GREB1L: variants seen among roughly 807,000 people sequenced by gnomAD.
GREB1L encodes the protein GREB1 like retinoic acid receptor coactivator, also known as GREB1-like protein.
In GREB1L, 17 loss-of-function variants were observed where a neutral mutation model predicts 200.8. The observed-to-expected ratio is 0.08, with a 90% confidence interval of 0.06 to 0.13. The LOEUF is 0.13. Ranked by LOEUF, GREB1L falls within the 10% of genes least tolerant of loss-of-function variation. The pLI, the probability that GREB1L is intolerant of heterozygous loss-of-function variation, is 1.00. For missense variants in GREB1L, 1,657 were observed against 2,367.7 expected, an observed-to-expected ratio of 0.70 and a Z score of 6.23; for synonymous variants, 789 against 893.0, an observed-to-expected ratio of 0.88 and a Z score of 2.08.
At chr18:21,394,567 G>A (rs2040963412) in intron 4 of GREB1L, among the ~76,000 whole-genome samples, 1 of 152,134 alleles carries the variant, frequency 6.6e-6, no homozygotes, top group South Asian at 2.1e-4. Context: ...GGTTATGTAA[G>A]ATTTTGTCAC....
chr18:21,508,096 CCTTT>C lies in GREB1L; in HGVS notation c.4369-18_4369-15del, dbSNP rs1445301714. 1.3e-6 allele frequency: 2 copies of C among 1,549,792 alleles called. No individual in the cohort carries two copies. Among genetic ancestry groups the C allele is most frequent in the Admixed American group, 2.0e-5 (1 of 50,972 alleles). The stretch of plus-strand genomic sequence containing the variant: ...ACTGTGGGCTTACTTACGTTCCCTC[CCTTT>C]CTTCTTTGCAAATGTAGATGTCTGA... On this transcript the variant is annotated intron_variant, in intron 25 of 32. Coordinates refer to ENST00000424526, the MANE Select transcript of GREB1L (RefSeq NM_001142966.3).
chr18:21,496,709 T>C lies in GREB1L; in HGVS notation c.3391+11T>C, dbSNP rs1258000996. On this transcript the variant is annotated intron_variant, in intron 21 of 32. Coordinates refer to ENST00000424526, the MANE Select transcript of GREB1L (RefSeq NM_001142966.3). ...TCACAGGGACCTCGGGTCAGTACTT[T>C]CTTTTCTCTTTCATGGAGTGAGAGA... 5.2e-6 allele frequency: 8 copies of C among 1,549,908 alleles called. No homozygotes were observed. Among genetic ancestry groups the C allele is most frequent in the Non-Finnish European group, 6.1e-6 (7 of 1,146,658 alleles).
intron 1 of GREB1L, among the ~76,000 whole-genome samples, chr18:21,286,346 T>C (rs1429717125): frequency 2.0e-5 from 3 of 152,166 alleles, no homozygotes; most frequent in Non-Finnish European, 2.9e-5. Flanking sequence ...AAAATTTAGC[T>C]ATTCTTCATT....
intron 15 of GREB1L, chr18:21,468,873 CAATTA>C: frequency 2.3e-6 from 1 of 433,006 alleles, no homozygotes; most frequent in South Asian, 1.6e-5. Flanking sequence ...AGTTTTCTCA[CAATTA>C]AATTGAGGTT....
chr18:21,393,808 C>G (rs1040979644), intron 4 of GREB1L, among the ~76,000 whole-genome samples: 1 of 152,126 alleles, frequency 6.6e-6, no homozygotes, highest in Admixed American at 6.6e-5. Flanking sequence ...GTGATCCACC[C>G]ACCTCGGCCT....
chr18:21,518,981 GA>G (rs1206465946), intron 31 of GREB1L, among the ~76,000 whole-genome samples: 1 of 151,700 alleles, frequency 6.6e-6, no homozygotes, highest in Admixed American at 6.6e-5. Flanking sequence ...TGTATGTATT[GA>G]AAAAAACACA....
intron 25 of GREB1L, 117 bp from the exon 26 acceptor site, chr18:21,508,001 G>A: frequency 1.1e-6 from 1 of 946,260 alleles, no homozygotes; most frequent in Non-Finnish European, 1.6e-6. Context: ...CTGCTCTGGT[G>A]GCACTTACCA....
At chr18:21,506,526 G>T (rs2037029978) in intron 25 of GREB1L, among the ~76,000 whole-genome samples, 1 of 152,220 alleles carries the variant, frequency 6.6e-6, no homozygotes, top group Admixed American at 6.5e-5. Flanking sequence ...CACGTGTCAT[G>T]TTTAGGTTAG....
intron 7 of GREB1L, chr18:21,435,220 T>C (rs953862815): frequency 6.6e-6 from 1 of 152,622 alleles, no homozygotes; most frequent in Non-Finnish European, 1.5e-5. Context: ...TCTATAATAA[T>C]GTACTAGTGT....
intron 1 of GREB1L, among the ~76,000 whole-genome samples, chr18:21,360,199 A>G (rs946115520): frequency 2.0e-5 from 3 of 152,144 alleles, no homozygotes; most frequent in Non-Finnish European, 4.4e-5. Context: ...ACTTAAAACA[A>G]AGGGTTTTTG....
At position 21,346,563 on chromosome 18, in the gene GREB1L, G is replaced by A. The variant is rs374180681; in HGVS notation, c.-119-19464G>A. Among the ~76,000 whole-genome samples the A allele has an allele frequency of 2.5e-4, 38 of 152,044 alleles. No homozygotes were observed. The East Asian group carries it at 6.2e-3, about 25-fold the overall frequency. On this transcript the variant is annotated intron_variant, in intron 1 of 32. Transcript: ENST00000424526. ...TGGTCTTATCTTCTGGACATACTGT[G>A]CTATTTCATGTCTTCATGCTTTTAA...
intron 1 of GREB1L, among the ~76,000 whole-genome samples, chr18:21,249,396 T>C (rs554089931): frequency 6.6e-6 from 1 of 152,356 alleles, no homozygotes; most frequent in African/African-American, 2.4e-5. Flanking sequence ...TCAGAATCTC[T>C]GGCAGGACCC....
intron 17 of GREB1L, among the ~76,000 whole-genome samples, chr18:21,479,542 G>A (rs936946126): frequency 4.6e-5 from 7 of 151,892 alleles, no homozygotes; most frequent in Non-Finnish European, 8.8e-5. Flanking sequence ...AGCCAGGCAC[G>A]GTGGCATGTG....
intron 13 of GREB1L, 196 bp downstream of exon 13, chr18:21,451,347 C>A: frequency 2.0e-6 from 1 of 504,216 alleles, no homozygotes; most frequent in Non-Finnish European, 3.4e-6. Flanking sequence ...CCCATTGGTA[C>A]TGGATTCAAA....
chr18:21,447,423 G>T (rs1315923780), intron 11 of GREB1L, among the ~76,000 whole-genome samples: 1 of 152,170 alleles, frequency 6.6e-6, no homozygotes, highest in Admixed American at 6.5e-5. Context: ...TCCACTTCTT[G>T]ATTCCTAATT....
chr18:21,379,959 AT>A (rs2040235698), intron 2 of GREB1L, among the ~76,000 whole-genome samples: 1 of 152,144 alleles, frequency 6.6e-6, no homozygotes, highest in African/African-American at 2.4e-5. Context: ...TTAATTGGGT[AT>A]TTTATATACA....
intron 1 of GREB1L, among the ~76,000 whole-genome samples, chr18:21,323,749 A>C (rs1328023433): frequency 6.6e-6 from 1 of 152,166 alleles, no homozygotes; most frequent in Non-Finnish European, 1.5e-5. Context: ...CATCTCTAAA[A>C]ATTTTTTTTT....
At chr18:21,259,108 T>G (rs2037849179) in intron 1 of GREB1L, among the ~76,000 whole-genome samples, 2 of 152,284 alleles carry the variant, frequency 1.3e-5, no homozygotes, top group East Asian at 3.9e-4. Context: ...GTGTTTACCC[T>G]TGGAAAGCTA....
chr18:21,399,593 A>C (rs1401455203), intron 5 of GREB1L, among the ~76,000 whole-genome samples: 1 of 152,182 alleles, frequency 6.6e-6, no homozygotes, highest in Non-Finnish European at 1.5e-5. Flanking sequence ...TACTGCTTTA[A>C]GGTATTGGAC....
Sources: gnomAD v4.1 joint callset for allele counts (sites outside exome capture counted in the v4.1 genomes callset) on GRCh38, gnomAD v4.1.1 for gene constraint, MANE v1.5 for transcripts, NCBI Gene and HGNC (gene_info 2026-07-23, HGNC 2026-07-21) for gene names.